Variants in WDR25 observed in about 807,000 individuals in gnomAD.
The protein encoded by WDR25 is WD repeat-containing protein 25.
WDR25 carries 35 observed loss-of-function variants against 47.7 expected under a neutral mutation model. That is an observed-to-expected ratio of 0.73 (90% CI 0.56 to 0.97). The LOEUF (loss-of-function observed/expected upper bound fraction) is 0.97. Among genes scored for constraint, WDR25 ranks in the 50% least tolerant of loss-of-function variants. WDR25 has a pLI of 0.00. For synonymous variants in WDR25, 248 were observed against 278.9 expected (o/e 0.89, Z 1.10); for missense variants, 634 against 704.7 (o/e 0.90, Z 1.14).
intron 4 of WDR25, chr14:100,487,493 A>G (rs914331699): frequency 6.6e-6 from 1 of 152,254 alleles, no homozygotes; most frequent in Non-Finnish European, 1.5e-5. Context: ...CAGAGACCAC[A>G]TAGCCCACAA....
chr14:100,516,711 G>A (rs1243222959), intron 4 of WDR25, among the ~76,000 whole-genome samples: 1 of 151,846 alleles, frequency 6.6e-6, no homozygotes, highest in East Asian at 1.9e-4. Context: ...TTTTTAATAT[G>A]GTATATTTTT....
At chr14:100,467,407 T>C (rs1899670237) in intron 2 of WDR25, among the ~76,000 whole-genome samples, 1 of 152,110 alleles carries the variant, frequency 6.6e-6, no homozygotes. Flanking sequence ...GGGTTGTGAA[T>C]GCTGAGGGTG....
At position 100,440,497 on chromosome 14, in the gene WDR25, G is replaced by C. The variant is rs1898636091; in HGVS notation, c.823-27524G>C. 6.6e-6 allele frequency among the ~76,000 whole-genome samples: 1 copy of C among 152,220 alleles called. No individual in the cohort carries two copies. Among genetic ancestry groups the C allele is most frequent in the Admixed American group, 6.5e-5 (1 of 15,288 alleles). ...AAGGTTTTGGGGCATGGGAGGGGCT[G>C]GCCGTCATGATTCAGCATGCTAGCT... On this transcript the variant is annotated intron_variant, in intron 2 of 6. Transcript: ENST00000402312. This position sits in a 1 kb window ranked among gnomAD's most constrained non-coding sequence, Gnocchi z 4.4.
chr14:100,456,942 A>G (rs777659271), intron 2 of WDR25, among the ~76,000 whole-genome samples: 1 of 152,030 alleles, frequency 6.6e-6, no homozygotes, highest in Non-Finnish European at 1.5e-5. Context: ...GTATATTATA[A>G]TGAAGTTTCT....
intron 2 of WDR25, among the ~76,000 whole-genome samples, chr14:100,386,960 G>A (rs1897034318): frequency 6.6e-6 from 1 of 152,024 alleles, no homozygotes; most frequent in South Asian, 2.1e-4. Flanking sequence ...TGTGTGTGGT[G>A]AGAGTGGGAC....
At chr14:100,408,988 T>G (rs1362112183) in intron 2 of WDR25, among the ~76,000 whole-genome samples, 1 of 152,234 alleles carries the variant, frequency 6.6e-6, no homozygotes, top group African/African-American at 2.4e-5. Context: ...GCTAGACTTA[T>G]TTTATTTGAG....
chr14:100,414,156 T>C (rs544851392), intron 2 of WDR25, among the ~76,000 whole-genome samples: 1 of 151,534 alleles, frequency 6.6e-6, no homozygotes, highest in African/African-American at 2.4e-5. Flanking sequence ...CCACCACGCC[T>C]GGCTAATATT....
At chr14:100,495,293 G>A (rs1328189330) in intron 4 of WDR25, among the ~76,000 whole-genome samples, 2 of 152,220 alleles carry the variant, frequency 1.3e-5, no homozygotes, top group African/African-American at 4.8e-5. Flanking sequence ...GGAAGCGGAG[G>A]TTGCAGTGAG....
At chr14:100,527,541 A>C (rs564780598) in intron 5 of WDR25, among the ~76,000 whole-genome samples, 2 of 152,338 alleles carry the variant, frequency 1.3e-5, no homozygotes, top group East Asian at 3.9e-4. Context: ...GCTCTGAGCA[A>C]ACCCACTTCT....
chr14:100,450,993 A>C (rs1899011988), intron 2 of WDR25, among the ~76,000 whole-genome samples: 1 of 152,192 alleles, frequency 6.6e-6, no homozygotes. Flanking sequence ...GGTCCACAAG[A>C]GAGTGCTGAG....
intron 3 of WDR25, among the ~76,000 whole-genome samples, chr14:100,471,515 C>T (rs1308130769): frequency 1.3e-5 from 2 of 152,202 alleles, no homozygotes; most frequent in South Asian, 2.1e-4. Context: ...CCTTTCTCTT[C>T]GCTGAGTCTG....
chr14:100,413,069 A>C (rs751668213), intron 2 of WDR25, among the ~76,000 whole-genome samples: 7 of 152,194 alleles, frequency 4.6e-5, no homozygotes, highest in African/African-American at 9.7e-5. Context: ...ACCTCAAGTG[A>C]TCCACCTGCC....
intron 2 of WDR25, among the ~76,000 whole-genome samples, chr14:100,389,856 C>CA (rs1265743267): frequency 6.6e-6 from 1 of 152,184 alleles, no homozygotes; most frequent in Admixed American, 6.5e-5. Flanking sequence ...TCGGCCCCCC[C>CA]ATAGAACGAG....
At chr14:100,483,952 C>A in intron 3 of WDR25, 42 bp from the exon 4 acceptor site, 1 of 1,579,626 alleles carries the variant, frequency 6.3e-7, no homozygotes, top group Non-Finnish European at 8.6e-7. Context: ...TGTTTTGTGA[C>A]CTAAGTACTT....
rs1045526941 is a variant in WDR25 at position 100,392,565 on chromosome 14, C to T, written c.822+10819C>T. On this transcript the variant is annotated intron_variant, in intron 2 of 6. Coordinates refer to ENST00000402312, the MANE Select transcript of WDR25 (RefSeq NM_001161476.3). The surrounding 1 kb of genome is among the most constrained non-coding windows in gnomAD (Gnocchi z 4.2). ...TATCATTATCCTTTGAACACCCTCC[C>T]ATCCATTTCTGGTCCATACGGGCTG... Among the ~76,000 whole-genome samples, 1 of 152,062 alleles carries T rather than the reference C, an allele frequency of 6.6e-6. No individual in the cohort carries two copies. Among genetic ancestry groups the T allele is most frequent in the African/African-American group, 2.4e-5 (1 of 41,402 alleles).
intron 2 of WDR25, chr14:100,455,276 C>G (rs915176925): frequency 6.6e-6 from 1 of 152,118 alleles, no homozygotes; most frequent in Non-Finnish European, 1.5e-5. Context: ...ATGAATAATT[C>G]ACCATTTCGA....
chr14:100,489,491 A>G (rs1482134471), intron 4 of WDR25, among the ~76,000 whole-genome samples: 3 of 152,254 alleles, frequency 2.0e-5, no homozygotes, highest in African/African-American at 7.2e-5. Flanking sequence ...TCCTTTTGTA[A>G]TATGAATCAG....
At position 100,498,938 on chromosome 14, in the gene WDR25, G is replaced by T. The variant is rs142963106; in HGVS notation, c.1101+14814G>T. On this transcript the variant is annotated intron_variant, in intron 4 of 6. Transcript: ENST00000402312. The surrounding 1 kb of genome is among the most constrained non-coding windows in gnomAD (Gnocchi z 4.2). ...CTGTGAGCCGATGAGAGGGCTTGTCGTGGGGTCCCCCTGTGACTTGGGTGC... is the reference window on the plus strand; with the variant it reads ...CTGTGAGCCGATGAGAGGGCTTGTCTTGGGGTCCCCCTGTGACTTGGGTGC... Among the ~76,000 whole-genome samples, 4 of 152,162 alleles carry T rather than the reference G, an allele frequency of 2.6e-5. No individual in the cohort carries two copies. Among genetic ancestry groups the T allele is most frequent in the Admixed American group, 6.5e-5 (1 of 15,270 alleles).
intron 2 of WDR25, among the ~76,000 whole-genome samples, chr14:100,418,327 T>C (rs1897926945): frequency 6.6e-6 from 1 of 151,218 alleles, no homozygotes; most frequent in African/African-American, 2.4e-5. Flanking sequence ...CTGACTTTCA[T>C]GCAACTATTG....
Sources: gnomAD v4.1 joint callset for allele counts (sites outside exome capture counted in the v4.1 genomes callset) on GRCh38, gnomAD v4.1.1 for gene constraint, Gnocchi (gnomAD v3.1) non-coding constraint, MANE v1.5 for transcripts, NCBI Gene and HGNC (gene_info 2026-07-23, HGNC 2026-07-21) for gene names.